The following GPC5 variants were observed in gnomAD, a reference collection of about 807,000 sequenced individuals.
GPC5 encodes glypican-5.
GPC5 carries 47 observed loss-of-function variants against 53.9 expected under a neutral mutation model. The observed-to-expected ratio is 0.87, with a 90% CI of 0.69 to 1.11. The LOEUF is 1.11. GPC5 is among the 50% of genes most tolerant of loss of function. The probability of loss-of-function intolerance (pLI) is 0.00; values close to 1 mark genes in which losing one functional copy is unlikely to be tolerated. For synonymous variants in GPC5, 286 were observed against 263.3 expected, an observed-to-expected ratio of 1.09 and a Z score of -0.84; for missense variants, 748 against 713.1, an observed-to-expected ratio of 1.05 and a Z score of -0.56.
At chr13:91,887,211 T>G (rs897198342) in intron 5 of GPC5, among the ~76,000 whole-genome samples, 2 of 152,134 alleles carry the variant, frequency 1.3e-5, no homozygotes. Flanking sequence ...GGCTTGAGGC[T>G]TTCAACCTCC....
intron 6 of GPC5, among the ~76,000 whole-genome samples, chr13:91,984,542 A>G (rs1470527853): frequency 3.9e-5 from 6 of 152,230 alleles, no homozygotes; most frequent in African/African-American, 1.4e-4. Context: ...TGTGTAACAT[A>G]AATATTGAAT....
At chr13:91,996,733 CT>C (rs1489820116) in intron 6 of GPC5, among the ~76,000 whole-genome samples, 1 of 152,138 alleles carries the variant, frequency 6.6e-6, no homozygotes, top group Non-Finnish European at 1.5e-5. Context: ...CTGTAGTTTA[CT>C]TTGATCTTTG....
intron 6 of GPC5, among the ~76,000 whole-genome samples, chr13:92,051,244 C>T (rs1303454967): frequency 7.2e-6 from 1 of 139,434 alleles, no homozygotes; most frequent in Non-Finnish European, 1.5e-5. Flanking sequence ...GCTCTGTCAC[C>T]AGGCTGGAGT....
chr13:92,395,622 T>C (rs199655943), intron 7 of GPC5, among the ~76,000 whole-genome samples: 1 of 152,236 alleles, frequency 6.6e-6, no homozygotes, highest in African/African-American at 2.4e-5. Context: ...TAACTTCTTT[T>C]GGCATTTTGT....
chr13:91,702,847 C>T (rs2036022882), intron 3 of GPC5, among the ~76,000 whole-genome samples: 1 of 151,944 alleles, frequency 6.6e-6, no homozygotes, highest in African/African-American at 2.4e-5. Context: ...ATATCTTCAA[C>T]TTCCTTTGTT....
intron 7 of GPC5, among the ~76,000 whole-genome samples, chr13:92,227,719 T>TA (rs57131057): frequency 6.6e-6 from 1 of 151,902 alleles, no homozygotes; most frequent in African/African-American, 2.4e-5. Flanking sequence ...CCCAACACAG[T>TA]AAAAAAAATT....
At chr13:92,803,257 T>G (rs1021261712) in intron 7 of GPC5, among the ~76,000 whole-genome samples, 1 of 151,916 alleles carries the variant, frequency 6.6e-6, no homozygotes, top group Non-Finnish European at 1.5e-5. Flanking sequence ...GGATAAATGT[T>G]TTATAAAAAT....
At chr13:92,062,063 T>G (rs1433388152) in intron 6 of GPC5, among the ~76,000 whole-genome samples, 1 of 151,852 alleles carries the variant, frequency 6.6e-6, no homozygotes, top group Non-Finnish European at 1.5e-5. Context: ...CTTTCCAAGC[T>G]TTCTTATTTT....
chr13:92,255,294 C>T (rs1196861379), intron 7 of GPC5, among the ~76,000 whole-genome samples: 3 of 152,112 alleles, frequency 2.0e-5, no homozygotes, highest in African/African-American at 4.8e-5. Flanking sequence ...CTATACTTAA[C>T]TAGAATGGGG....
At chr13:91,502,947 G>C (rs1407740452) in intron 2 of GPC5, among the ~76,000 whole-genome samples, 1 of 152,160 alleles carries the variant, frequency 6.6e-6, no homozygotes, top group Non-Finnish European at 1.5e-5. Context: ...TAGGAGAATG[G>C]ATATGGTCTT....
chr13:91,906,977 AT>A (rs905705774), intron 5 of GPC5, among the ~76,000 whole-genome samples: 2 of 150,170 alleles, frequency 1.3e-5, no homozygotes, highest in Admixed American at 6.7e-5. Flanking sequence ...ACAGTTATAT[AT>A]TTTTTATATA....
intron 2 of GPC5, among the ~76,000 whole-genome samples, chr13:91,550,468 G>A (rs1310494456): frequency 1.3e-5 from 2 of 152,080 alleles, no homozygotes; most frequent in Non-Finnish European, 2.9e-5. Context: ...GGCAGGGAGT[G>A]CATATGAGAA....
Position 91,904,167 on chromosome 13 carries a change from A to C in GPC5, c.1281-3770A>C, listed in dbSNP as rs1235389009. 3.7e-5 allele frequency among the ~76,000 whole-genome samples: 4 copies of C among 107,242 alleles called. No homozygotes were observed. In the East Asian group the frequency reaches 1.0e-3, roughly 28 times the overall value. 70.4% of individuals were successfully genotyped at this position (107,242 alleles called of 152,430 possible). On this transcript the variant is annotated intron_variant, in intron 5 of 7. Coordinates refer to ENST00000377067, the MANE Select transcript of GPC5 (RefSeq NM_004466.6). ...TTTTTTTTTTTTTTTTTTTTAAGGC[A>C]GGTCTTGCTCTGTTGCCCAGGCTTG... is the stretch of plus-strand genomic sequence containing the variant.
chr13:92,813,872 A>G lies in GPC5; in HGVS notation c.1562-52410A>G, dbSNP rs144647799. ...TCAAGTCATAATCTCCTTTGACTTT[A>G]GTAGAAATTAACAAGCACATTCTAA... On this transcript the variant is annotated intron_variant, in intron 7 of 7. Coordinates refer to ENST00000377067, the MANE Select transcript of GPC5 (RefSeq NM_004466.6). 2.8e-3 allele frequency among the ~76,000 whole-genome samples: 428 copies of G among 152,144 alleles called. 10 individuals carry two copies. The highest frequency in any genetic ancestry group is 9.8e-3 in the African/African-American group (407 of 41,428).
At chr13:92,836,567 C>A (rs1878226574) in intron 7 of GPC5, among the ~76,000 whole-genome samples, 1 of 151,956 alleles carries the variant, frequency 6.6e-6, no homozygotes, top group Admixed American at 6.6e-5. Flanking sequence ...GCTCAGATAC[C>A]CAATAAGGCA....
chr13:92,564,548 G>T (rs1267764215), intron 7 of GPC5, among the ~76,000 whole-genome samples: 2 of 151,642 alleles, frequency 1.3e-5, no homozygotes, highest in East Asian at 1.9e-4. Flanking sequence ...TAAATTCAGG[G>T]GATACATATA....
At chr13:91,861,342 A>G (rs2039025862) in intron 5 of GPC5, among the ~76,000 whole-genome samples, 1 of 152,236 alleles carries the variant, frequency 6.6e-6, no homozygotes, top group Admixed American at 6.5e-5. Context: ...TCATTTATCT[A>G]TTTCTCCCTT....
intron 7 of GPC5, among the ~76,000 whole-genome samples, chr13:92,356,174 T>G (rs1237184389): frequency 6.6e-6 from 1 of 152,176 alleles, no homozygotes; most frequent in Non-Finnish European, 1.5e-5. Flanking sequence ...GTTTGTTTAT[T>G]TATTTCACAA....
At chr13:91,447,694 G>A (rs1880902863) in intron 1 of GPC5, among the ~76,000 whole-genome samples, 1 of 152,134 alleles carries the variant, frequency 6.6e-6, no homozygotes, top group Admixed American at 6.5e-5. Flanking sequence ...TTGTGTGTAT[G>A]TCTGTGTGCA....
Sources: allele counts gnomAD v4.1 joint callset (sites outside exome capture counted in the v4.1 genomes callset), GRCh38; gene constraint gnomAD v4.1.1; transcripts MANE v1.5; gene names NCBI Gene and HGNC (gene_info 2026-07-23, HGNC 2026-07-21).